Variants in TBATA observed in about 807,000 individuals in gnomAD.
TBATA encodes thymus, brain and testes associated, also known as protein TBATA.
A neutral mutation model predicts 38.7 loss-of-function variants in TBATA; 47 were observed. The ratio of observed to expected loss-of-function variants is 1.21; its 90% CI spans 0.96 to 1.55. The LOEUF is 1.55. TBATA is among the 40% of genes most tolerant of loss of function. The pLI is 0.00. For missense variants in TBATA, 436 were observed against 435.6 expected (o/e 1.00, Z -0.01); for synonymous variants, 183 against 170.5 (o/e 1.07, Z -0.57).
At chr10:70,780,322 G>A (rs1398248904) in intron 4 of TBATA, among the ~76,000 whole-genome samples, 3 of 152,092 alleles carry the variant, frequency 2.0e-5, no homozygotes, top group South Asian at 2.1e-4. Context: ...ACTATTGACA[G>A]TGAGGCTTGA....
Position 70,781,809 on chromosome 10 carries a change from T to G in TBATA, c.269A>C (p.His90Pro). 1 of 1,613,886 alleles carries G rather than the reference T, an allele frequency of 6.2e-7. No individual in the cohort carries two copies. The highest frequency in any genetic ancestry group is 8.5e-7 in the Non-Finnish European group (1 of 1,179,778). Residue 90 changes from histidine to proline, a missense_variant, in exon 4 of 11, where the codon CAC becomes CCC. Transcript: ENST00000456372. Reference sequence around the variant, plus strand: ...AACCAGCCAGGCCCTACCTTGGATGTGGGTCACGTGCTGGGGGTGTGGGTG... The same window carrying G: ...AACCAGCCAGGCCCTACCTTGGATGGGGGTCACGTGCTGGGGGTGTGGGTG... ...RHHPHPQHVT[H>P]IQDLTGKPVC...
intron 6 of TBATA, 46 bp from the exon 7 acceptor site, chr10:70,777,384 A>T (rs1309530569): frequency 6.3e-7 from 1 of 1,577,948 alleles, no homozygotes. Context: ...GCAAGAGGGG[A>T]GGAAGAGGGC....
intron 10 of TBATA, 138 bp downstream of exon 10, chr10:70,772,376 G>A (rs2132800682): frequency 1.2e-6 from 1 of 852,464 alleles, no homozygotes; most frequent in Non-Finnish European, 2.0e-6. Flanking sequence ...GAATGAATAT[G>A]AATAAGTGAA....
At chr10:70,772,209 A>G (rs1366395849) in intron 10 of TBATA, 6 of 577,146 alleles carry the variant, frequency 1.0e-5, no homozygotes, top group Non-Finnish European at 1.7e-5. Flanking sequence ...TTCTCCTTAC[A>G]GTATCTGTCT....
intron 7 of TBATA, chr10:70,776,206 G>A (rs1843374707): frequency 5.4e-6 from 2 of 368,572 alleles, no homozygotes; most frequent in South Asian, 4.0e-5. Context: ...TCTGGGCTGG[G>A]CCTCTCCCCA....
intron 8 of TBATA, among the ~76,000 whole-genome samples, chr10:70,774,735 C>T (rs912155709): frequency 7.9e-5 from 12 of 152,180 alleles, no homozygotes; most frequent in African/African-American, 2.9e-4. Context: ...ACTCCTCACC[C>T]TTCTACTCAG....
At chr10:70,776,998 GGTCATAGCC>G (rs1843487508) in intron 7 of TBATA, among the ~76,000 whole-genome samples, 146 bp downstream of exon 7, 1 of 152,098 alleles carries the variant, frequency 6.6e-6, no homozygotes, top group South Asian at 2.1e-4. Flanking sequence ...GGCAGCAGGG[GGTCATAGCC>G]CCTGCTGCTG....
chr10:70,775,318 G>A (rs1478349937), intron 7 of TBATA, 48 bp from the exon 8 acceptor site: 3 of 1,541,414 alleles, frequency 1.9e-6, no homozygotes, highest in Admixed American at 3.3e-5. Context: ...CAGGCAAGGA[G>A]TACAGGCAAA....
intron 8 of TBATA, 86 bp from the exon 9 acceptor site, chr10:70,774,443 A>G: frequency 7.3e-7 from 1 of 1,376,246 alleles, no homozygotes; most frequent in Non-Finnish European, 9.8e-7. Flanking sequence ...GCCTCCATCC[A>G]GGGCAGCTTT....
chr10:70,779,672 G>A lies in TBATA; in HGVS notation c.348C>T (p.Ser116=), dbSNP rs549305867. 129 of 1,534,804 alleles carry A rather than the reference G, an allele frequency of 8.4e-5. 1 individual carries two copies. The highest frequency in any genetic ancestry group is 9.6e-5 in the Non-Finnish European group (110 of 1,151,150). ...PAPLPESTVF[S]GCQMGIPTIS... is the part of the protein sequence containing the mutation. ...TGGTGGGTATCCCCATTTGACAGCC[G>A]GAAAAGACAGTTGACTCAGGCAAGG... is the stretch of plus-strand genomic sequence containing the variant. Residue 116 remains serine, a synonymous_variant, in exon 5 of 11, where the codon TCC becomes TCT. Coordinates refer to ENST00000456372, the MANE Select transcript of TBATA (RefSeq NM_001318241.2).
In TBATA at chr10:70,783,364, G is replaced by C. The variant is rs746103088; in HGVS notation, c.16C>G (p.Gln6Glu). The change falls in exon 3 of 11, where the codon CAA becomes GAA. Residue 6 changes from glutamine (Q) to glutamate (E), a missense_variant. Transcript: ENST00000456372. ...CTCATCAGTGGATAATCAGCCAATT[G>C]AACATCTGTAGCCATTGTATGCTTT... MATDV[Q>E]LADYPLMSPK... 10 of 1,614,014 alleles carry C rather than the reference G, an allele frequency of 6.2e-6. No homozygotes were observed. The highest frequency in any genetic ancestry group is 8.5e-6 in the Non-Finnish European group (10 of 1,180,016).
chr10:70,778,280 C>T (rs1843682411), intron 6 of TBATA, among the ~76,000 whole-genome samples: 1 of 152,104 alleles, frequency 6.6e-6, no homozygotes, highest in African/African-American at 2.4e-5. Context: ...TTTTGAGCTG[C>T]TGTGCTAGGT....
Position 70,781,825 on chromosome 10 carries a change from G to C in TBATA, c.253C>G (p.Pro85Ala). The C allele has an allele frequency of 6.2e-7, 1 of 1,614,054 alleles. No individual in the cohort carries two copies. Among genetic ancestry groups the C allele is most frequent in the Non-Finnish European group, 8.5e-7 (1 of 1,179,896 alleles). ...HSFFSRHHPHPQHVTHIQDLT... is the reference protein window; with the variant it reads ...HSFFSRHHPHAQHVTHIQDLT... ...CCTTGGATGTGGGTCACGTGCTGGG[G>C]GTGTGGGTGGTGCCGGGAGAAGAAG... Residue 85 changes from proline to alanine, a missense_variant, in exon 4 of 11, where the codon CCC becomes GCC. Pro to Ala is a conservative substitution (Grantham distance 27). Transcript: ENST00000456372.
chr10:70,782,073 T>C, intron 3 of TBATA, 37 bp from the exon 4 acceptor site: 1 of 1,604,686 alleles, frequency 6.2e-7, no homozygotes, highest in Non-Finnish European at 8.5e-7. Context: ...TAATGGAGTC[T>C]CCTCTGGCAG....
At chr10:70,772,392 A>G in intron 10 of TBATA, 122 bp downstream of exon 10, 1 of 911,674 alleles carries the variant, frequency 1.1e-6, no homozygotes, top group Non-Finnish European at 1.8e-6. Flanking sequence ...GTGAATGAAT[A>G]GATGAAATGA....
At chr10:70,775,049 T>C in intron 8 of TBATA, 140 bp downstream of exon 8, 1 of 681,718 alleles carries the variant, frequency 1.5e-6, no homozygotes. Context: ...AGTTTGGGGC[T>C]CCAAAGTGGA....
At chr10:70,779,924 CG>C (rs1471679036) in intron 4 of TBATA, among the ~76,000 whole-genome samples, 182 bp from the exon 5 acceptor site, 3 of 151,992 alleles carry the variant, frequency 2.0e-5, no homozygotes, top group Non-Finnish European at 4.4e-5. Flanking sequence ...GCCTCACCCA[CG>C]GGGGGATCCT....
At chr10:70,775,796 G>A (rs1843317776) in intron 7 of TBATA, among the ~76,000 whole-genome samples, 1 of 152,202 alleles carries the variant, frequency 6.6e-6, no homozygotes, top group Non-Finnish European at 1.5e-5. Context: ...GATGGGGGAA[G>A]CCCAGAGGGC....
At chr10:70,777,827 T>C (rs558036426) in intron 6 of TBATA, 2 of 455,074 alleles carry the variant, frequency 4.4e-6, no homozygotes, top group East Asian at 7.0e-5. Flanking sequence ...GGCCTCCTGC[T>C]CTTGCAATTC....
Sources: gnomAD v4.1 joint callset for allele counts (sites outside exome capture counted in the v4.1 genomes callset) on GRCh38, gnomAD v4.1.1 for gene constraint, MANE v1.5 for transcripts, NCBI Gene and HGNC (gene_info 2026-07-23, HGNC 2026-07-21) for gene names.